Variants in KIF18A observed in about 807,000 individuals in gnomAD.
KIF18A encodes the protein kinesin-like protein KIF18A.
KIF18A carries 67 observed loss-of-function variants against 103.3 expected under a neutral mutation model. That is an observed-to-expected ratio of 0.65 (90% CI 0.53 to 0.79). KIF18A has a LOEUF of 0.79. Ranked by LOEUF, KIF18A falls within the 30% of genes least tolerant of loss-of-function variation. The pLI, the probability that KIF18A is intolerant of heterozygous loss-of-function variation, is 0.00. For missense variants in KIF18A, 1,032 were observed against 1,062.5 expected, an observed-to-expected ratio of 0.97 and a Z score of 0.40; for synonymous variants, 367 against 355.5, an observed-to-expected ratio of 1.03 and a Z score of -0.36.
chr11:28,050,472 A>T (rs749080245), intron 13 of KIF18A, among the ~76,000 whole-genome samples: 60 of 151,874 alleles, frequency 4.0e-4, no homozygotes, highest in Non-Finnish European at 8.1e-4. Flanking sequence ...ATTTCCTTGT[A>T]TTCAAGTAAT....
At chr11:28,071,595 A>T (rs1851015222) in intron 10 of KIF18A, among the ~76,000 whole-genome samples, 1 of 151,466 alleles carries the variant, frequency 6.6e-6, no homozygotes, top group South Asian at 2.1e-4. Context: ...ATCTGTTTTA[A>T]TTTCTAATAT....
intron 4 of KIF18A, among the ~76,000 whole-genome samples, chr11:28,091,075 G>A (rs1039614280): frequency 3.3e-5 from 5 of 151,668 alleles, no homozygotes; most frequent in Non-Finnish European, 4.4e-5. Flanking sequence ...GTGAACTCCC[G>A]CTTTCTACCA....
intron 6 of KIF18A, 108 bp downstream of exon 6, chr11:28,088,416 T>C (rs1851259614): frequency 1.1e-6 from 1 of 874,594 alleles, no homozygotes; most frequent in Admixed American, 2.1e-5. Context: ...GATATACCCT[T>C]GAAATGTGAT....
Position 28,023,848 on chromosome 11 carries a change from G to C in KIF18A, c.2507C>G (p.Ser836Cys), listed in dbSNP as rs767735994. 6.3e-7 allele frequency: 1 copy of C among 1,589,708 alleles called. No homozygotes were observed. Among genetic ancestry groups the C allele is most frequent in the Non-Finnish European group, 8.6e-7 (1 of 1,162,518 alleles). Residue 836 changes from serine to cysteine, a missense_variant and splice_region_variant, in exon 16 of 17, where the codon TCT becomes TGT. By Grantham distance (112) the Ser-to-Cys change is moderately radical. Transcript: ENST00000263181. ...AAKRKRKLTS[S>C]TSNSSLTADV... is the part of the protein sequence containing the mutation. The stretch of plus-strand genomic sequence containing the variant: ...TGCAGTTAACGAACTGTTTGATGTA[G>C]AACTTGAGAGGAAAAGTTTTTAATT...
chr11:28,087,396 G>A (rs1851242399), intron 6 of KIF18A, among the ~76,000 whole-genome samples: 1 of 152,174 alleles, frequency 6.6e-6, no homozygotes, highest in Admixed American at 6.5e-5. Flanking sequence ...CTTAATCCAT[G>A]TGCCTGTAAA....
At chr11:28,042,532 T>G (rs1850573897) in intron 13 of KIF18A, among the ~76,000 whole-genome samples, 1 of 152,098 alleles carries the variant, frequency 6.6e-6, no homozygotes, top group Non-Finnish European at 1.5e-5. Flanking sequence ...TTAAGGAAGC[T>G]TGAAAATGCA....
chr11:28,073,784 GA>G (rs1014584856), intron 10 of KIF18A, among the ~76,000 whole-genome samples: 3 of 152,012 alleles, frequency 2.0e-5, no homozygotes, highest in Admixed American at 1.3e-4. Flanking sequence ...GTAAATAATT[GA>G]AGGACAAACA....
At chr11:28,095,411 C>T (rs1370822713) in intron 2 of KIF18A, among the ~76,000 whole-genome samples, 1 of 152,206 alleles carries the variant, frequency 6.6e-6, no homozygotes, top group Non-Finnish European at 1.5e-5. Flanking sequence ...TCTCTGCCTT[C>T]CCTCATTGTC....
Position 28,083,165 on chromosome 11 carries a change from A to C in KIF18A, c.1149+4T>G. 1.3e-6 allele frequency: 2 copies of C among 1,576,396 alleles called. No homozygotes were observed. Among genetic ancestry groups the C allele is most frequent in the Non-Finnish European group, 1.7e-6 (2 of 1,169,490 alleles). ...GACTAGCATAAAAATATAAACAGAC[A>C]TACCTCTGCCTTCTGCTCATTACAG... On this transcript the variant is annotated splice_donor_region_variant and intron_variant, in intron 8 of 16. Transcript: ENST00000263181.
At chr11:28,060,677 C>T (rs1193087553) in intron 12 of KIF18A, among the ~76,000 whole-genome samples, 1 of 151,740 alleles carries the variant, frequency 6.6e-6, no homozygotes, top group Admixed American at 6.6e-5. Context: ...GGAGGGTTCC[C>T]AGCATTTCCA....
Position 28,097,975 on chromosome 11 carries a change from T to A in KIF18A, c.-28A>T, listed in dbSNP as rs746526168. 2.8e-6 allele frequency: 4 copies of A among 1,450,578 alleles called. No individual in the cohort carries two copies. Among genetic ancestry groups the A allele is most frequent in the Non-Finnish European group, 3.7e-6 (4 of 1,073,952 alleles). The allele number at this position is 1,450,578 out of a possible 1,614,324, so 89.9% of individuals were successfully genotyped here. A position where few individuals can be genotyped will look rare whatever the true frequency, so the allele number is the denominator to read the frequency against. ...TTGATTATCTTGATTCCTATCTGTA[T>A]AAATACTTGAATACTTCTCTGAAAT... is the stretch of plus-strand genomic sequence containing the variant. On this transcript the variant is annotated 5_prime_UTR_variant, in exon 2 of 17. Coordinates refer to ENST00000263181, the MANE Select transcript of KIF18A (RefSeq NM_031217.4).
At chr11:28,087,162 T>C (rs1443784951) in intron 6 of KIF18A, among the ~76,000 whole-genome samples, 1 of 152,186 alleles carries the variant, frequency 6.6e-6, no homozygotes, top group Non-Finnish European at 1.5e-5. Flanking sequence ...TGTGCCATGG[T>C]GGTTTGCTGC....
At chr11:28,033,069 A>C (rs188763123) in intron 15 of KIF18A, among the ~76,000 whole-genome samples, 1 of 151,198 alleles carries the variant, frequency 6.6e-6, no homozygotes, top group Non-Finnish European at 1.5e-5. Context: ...GACATTTCTC[A>C]AAAGAAGACA....
chr11:28,083,039 A>T, intron 8 of KIF18A, 71 bp from the exon 9 acceptor site: 2 of 1,446,928 alleles, frequency 1.4e-6, no homozygotes, highest in South Asian at 2.6e-5. Context: ...ATTTAGCTGT[A>T]AAAAATAACT....
intron 13 of KIF18A, among the ~76,000 whole-genome samples, chr11:28,043,961 A>C (rs1850597061): frequency 6.6e-6 from 1 of 151,862 alleles, no homozygotes; most frequent in South Asian, 2.1e-4. Context: ...TAGGAAGCCA[A>C]TAAAAAATCA....
intron 1 of KIF18A, among the ~76,000 whole-genome samples, chr11:28,098,553 G>T (rs1252970090): frequency 6.6e-6 from 1 of 152,050 alleles, no homozygotes; most frequent in Non-Finnish European, 1.5e-5. Flanking sequence ...AAGCCCATAG[G>T]GTTAAAAATA....
intron 3 of KIF18A, 34 bp from the exon 4 acceptor site, chr11:28,091,547 T>TAAAA: frequency 1.1e-6 from 1 of 921,178 alleles, no homozygotes; most frequent in Non-Finnish European, 1.6e-6. Context: ...AGCATTGATG[T>TAAAA]AAAAAAAAAA....
chr11:28,065,284 T>A (rs1850903996), intron 11 of KIF18A, among the ~76,000 whole-genome samples: 1 of 152,046 alleles, frequency 6.6e-6, no homozygotes. Context: ...ATGTAAAAAA[T>A]AATGGCTTAT....
intron 9 of KIF18A, among the ~76,000 whole-genome samples, chr11:28,079,897 G>GCATA (rs1386085092): frequency 6.6e-6 from 1 of 151,958 alleles, no homozygotes; most frequent in African/African-American, 2.4e-5. Context: ...AAGTACTTTT[G>GCATA]CATACTGTAT....
Sources: allele counts gnomAD v4.1 joint callset (sites outside exome capture counted in the v4.1 genomes callset), GRCh38; gene constraint gnomAD v4.1.1; transcripts MANE v1.5; gene names NCBI Gene and HGNC (gene_info 2026-07-23, HGNC 2026-07-21).